Variants in ZNF331 observed in about 807,000 individuals in gnomAD.
ZNF331 encodes zinc finger protein 331, also known as C2H2-like zinc finger protein rearranged in thyroid adenomas.
ZNF331 carries 2 observed loss-of-function variants against 7.0 expected under a neutral mutation model. The ratio of observed to expected loss-of-function variants is 0.29; its 90% CI spans 0.12 to 0.90. ZNF331 has a LOEUF of 0.90. Among genes scored for constraint, ZNF331 ranks in the 40% least tolerant of loss-of-function variants. The probability of loss-of-function intolerance (pLI) is 0.58; values close to 1 mark genes in which losing one functional copy is unlikely to be tolerated. For synonymous variants in ZNF331, 196 were observed against 205.4 expected (o/e 0.95, Z 0.39); for missense variants, 432 against 587.7 (o/e 0.74, Z 2.74).
intron 2 of ZNF331, chr19:53,523,313 G>A (rs2147232375): frequency 6.6e-6 from 1 of 151,898 alleles, no homozygotes; most frequent in South Asian, 2.1e-4. Context: ...CTGCGTCCTG[G>A]GTTGCAGCGA....
upstream of ZNF331, among the ~76,000 whole-genome samples, chr19:53,516,137 T>A (rs538986155): frequency 6.6e-6 from 1 of 152,206 alleles, no homozygotes; most frequent in South Asian, 2.1e-4. Flanking sequence ...AGTTTTGTAT[T>A]TTAGACTGCT....
chr19:53,577,793 T>C lies in ZNF331; in HGVS notation c.1233T>C (p.Tyr411=). 6.2e-7 allele frequency: 1 copy of C among 1,614,064 alleles called. No homozygotes were observed. The highest frequency in any genetic ancestry group is 8.5e-7 in the Non-Finnish European group (1 of 1,180,022). The change falls in exon 6 of 6, where the codon TAT becomes TAC. Residue 411 remains tyrosine, a synonymous_variant. Transcript: ENST00000449416. The part of the protein sequence containing the change: ...HERIHTGVKP[Y]GCTECGKSFS... The stretch of plus-strand genomic sequence containing the variant: ...GAATTCATACCGGGGTGAAACCCTA[T>C]GGGTGTACAGAATGTGGGAAGAGCT...
At chr19:53,509,266 C>T in the ZNF331 span, among the ~76,000 whole-genome samples, 17 of 152,254 alleles carry the variant, frequency 1.1e-4, no homozygotes, top group South Asian at 8.3e-4. Context: ...TTTTCTTCCA[C>T]GTAGAGATGA....
chr19:53,531,362 A>G (rs1409295544), intron 2 of ZNF331, among the ~76,000 whole-genome samples: 1 of 152,216 alleles, frequency 6.6e-6, no homozygotes, highest in African/African-American at 2.4e-5. Flanking sequence ...CCCATTGACC[A>G]AGTCTCTCTT....
the ZNF331 span, chr19:53,503,850 A>T: frequency 2.9e-6 from 2 of 691,950 alleles, no homozygotes; most frequent in Non-Finnish European, 5.3e-6. Context: ...AAGTGGAGCA[A>T]CAAAAATACC....
At chr19:53,556,242 C>CAAAA (rs1160118053) in intron 3 of ZNF331, among the ~76,000 whole-genome samples, 2 of 84,942 alleles carry the variant, frequency 2.4e-5, no homozygotes, top group Non-Finnish European at 4.7e-5. Context: ...GACTCCATCT[C>CAAAA]AAAAAAAAAA....
In ZNF331 at chr19:53,558,193, A is replaced by T. The variant is rs2089775504; in HGVS notation, c.-74+2285A>T. Among the ~76,000 whole-genome samples the T allele has an allele frequency of 6.6e-6, 1 of 152,142 alleles. No homozygotes were observed. The highest frequency in any genetic ancestry group is 1.5e-5 in the Non-Finnish European group (1 of 68,026). On this transcript the variant is annotated intron_variant, in intron 3 of 5. Transcript: ENST00000449416. This position sits in a 1 kb window ranked among gnomAD's most constrained non-coding sequence, Gnocchi z 4.5. Reference sequence around the variant, plus strand: ...GGGGTTCTTATACTCTTTGGCTTCTATTAGTGTATTTGATTGACTCAGAAT... The same window carrying T: ...GGGGTTCTTATACTCTTTGGCTTCTTTTAGTGTATTTGATTGACTCAGAAT...
At chr19:53,520,692 G>A (rs1298353463), upstream of ZNF331, among the ~76,000 whole-genome samples, 1 of 152,212 alleles carries the variant, frequency 6.6e-6, no homozygotes, top group Non-Finnish European at 1.5e-5. Flanking sequence ...AGGTCTCTGG[G>A]GCATGGCTCC....
At chr19:53,525,000 A>G (rs1410619860) in intron 2 of ZNF331, among the ~76,000 whole-genome samples, 3 of 152,220 alleles carry the variant, frequency 2.0e-5, no homozygotes, top group African/African-American at 7.2e-5. Flanking sequence ...CAGTTTTCCC[A>G]GCACCATTTA....
At chr19:53,514,068 T>C in the ZNF331 span, among the ~76,000 whole-genome samples, 4 of 152,256 alleles carry the variant, frequency 2.6e-5, no homozygotes, top group Non-Finnish European at 4.4e-5. Context: ...CACTAAGTTA[T>C]ATTTCACAGC....
At chr19:53,535,390 G>A (rs140903512), upstream of ZNF331, among the ~76,000 whole-genome samples, 12 of 152,124 alleles carry the variant, frequency 7.9e-5, no homozygotes, top group African/African-American at 2.9e-4. Context: ...CTGTCCGGCC[G>A]TAATTACCCA....
intron 2 of ZNF331, among the ~76,000 whole-genome samples, chr19:53,530,860 G>A (rs1257297299): frequency 6.6e-6 from 1 of 152,208 alleles, no homozygotes. Flanking sequence ...CCCCATAATT[G>A]TGACAGGTGT....
At chr19:53,572,821 C>G (rs542847892) in intron 5 of ZNF331, among the ~76,000 whole-genome samples, 1 of 152,124 alleles carries the variant, frequency 6.6e-6, no homozygotes, top group South Asian at 2.1e-4. Context: ...ACGGAGGGAG[C>G]AGGAGCTAGA....
At position 53,571,285 on chromosome 19, in the gene ZNF331, T is replaced by G. The variant is rs551829695; in HGVS notation, c.10-319T>G. ...GTAGGAATCCACACTTGTTGAGAAC[T>G]TATAAGGCAGGCACGTAGCAGACAC... On this transcript the variant is annotated intron_variant, in intron 4 of 5. Transcript: ENST00000449416. This position sits in a 1 kb window ranked among gnomAD's most constrained non-coding sequence, Gnocchi z 4.7. 6.6e-6 allele frequency among the ~76,000 whole-genome samples: 1 copy of G among 152,306 alleles called. No homozygotes were observed. The highest frequency in any genetic ancestry group is 2.1e-4 in the South Asian group (1 of 4,828).
In ZNF331 at chr19:53,578,061, TAAAG is replaced by T; in HGVS notation, c.*112_*115del. The T allele has an allele frequency of 7.6e-7, 1 of 1,319,546 alleles. No homozygotes were observed. The highest frequency in any genetic ancestry group is 1.0e-6 in the Non-Finnish European group (1 of 987,964). 81.7% of individuals were successfully genotyped at this position (1,319,546 alleles called of 1,614,324 possible). On this transcript the variant is annotated 3_prime_UTR_variant, in exon 6 of 6. Coordinates refer to ENST00000449416, the MANE Select transcript of ZNF331 (RefSeq NM_001079906.2). ...AATATTAAATGGAAAATTCCAGAAA[TAAAG>T]AATTTTAAGTCTCAAATGGTGTGCC...
rs954981759 is a variant in ZNF331, at chr19:53,539,530, G to T, written c.-138+248G>T. The T allele has an allele frequency of 6.6e-6, 1 of 152,178 alleles. No homozygotes were observed. Among genetic ancestry groups the T allele is most frequent in the Non-Finnish European group, 1.5e-5 (1 of 68,038 alleles). The allele number at this position is 152,178 out of a possible 1,614,324, so 9.4% of individuals were successfully genotyped here. On this transcript the variant is annotated intron_variant, in intron 2 of 5. Transcript: ENST00000449416. This position sits in a 1 kb window ranked among gnomAD's most constrained non-coding sequence, Gnocchi z 6.1. ...AAGTCTGGATGTCTGTACATCAGGA[G>T]CAACGTACATATGAAGGTAACTGGG...
chr19:53,523,872 G>A (rs2569571), intron 2 of ZNF331, among the ~76,000 whole-genome samples: 39,841 of 151,660 alleles, frequency 0.26, 6,191 homozygotes, highest in African/African-American at 0.44. Flanking sequence ...CCATCAACTC[G>A]TCATTTGCAT....
chr19:53,520,594 T>G (rs180735143), upstream of ZNF331, among the ~76,000 whole-genome samples: 172 of 152,308 alleles, frequency 1.1e-3, no homozygotes, highest in Non-Finnish European at 1.5e-4. Flanking sequence ...GTGCAGCTGC[T>G]CTAACAGTGG....
the ZNF331 span, chr19:53,504,267 T>A: frequency 3.3e-6 from 1 of 299,040 alleles, no homozygotes; most frequent in Non-Finnish European, 6.5e-6. Context: ...ATCCAAGCTT[T>A]GCTTTGCTTA....
Sources: allele counts gnomAD v4.1 joint callset (sites outside exome capture counted in the v4.1 genomes callset), GRCh38; gene constraint gnomAD v4.1.1; non-coding constraint Gnocchi (gnomAD v3.1); transcripts MANE v1.5; gene names NCBI Gene and HGNC (gene_info 2026-07-23, HGNC 2026-07-21).